Variants in KIF5A observed in about 807,000 individuals in gnomAD.
KIF5A encodes the protein kinesin family member 5A.
Under a neutral mutation model 141.3 loss-of-function variants are expected in KIF5A, and 35 were observed. The observed-to-expected ratio is 0.25, with a 90% CI of 0.19 to 0.33. The LOEUF (loss-of-function observed/expected upper bound fraction) is 0.33. Among genes scored for constraint, KIF5A ranks in the 10% least tolerant of loss-of-function variants. The pLI, the probability that KIF5A is intolerant of heterozygous loss-of-function variation, is 1.00. For missense variants in KIF5A, 861 were observed against 1,314.3 expected, an observed-to-expected ratio of 0.66 and a Z score of 5.33; for synonymous variants, 448 against 500.2, an observed-to-expected ratio of 0.90 and a Z score of 1.39.
intron 25 of KIF5A, 96 bp from the exon 26 acceptor site, chr12:57,581,774 G>T: frequency 7.6e-7 from 1 of 1,318,542 alleles, no homozygotes; most frequent in Non-Finnish European, 1.1e-6. Context: ...GGGGAGGGCT[G>T]AGCAGCTCTA....
intron 12 of KIF5A, among the ~76,000 whole-genome samples, chr12:57,570,441 C>T (rs1014599975): frequency 1.3e-5 from 2 of 152,138 alleles, no homozygotes; most frequent in African/African-American, 4.8e-5. Context: ...CTGTGTCGCC[C>T]AGGCTAGAGT....
intron 1 of KIF5A, among the ~76,000 whole-genome samples, chr12:57,551,176 C>T (rs1277012996): frequency 3.9e-5 from 6 of 152,110 alleles, no homozygotes; most frequent in African/African-American, 1.4e-4. Flanking sequence ...AGCCATCCAG[C>T]TCTACCTCAT....
chr12:57,564,073 C>T, intron 3 of KIF5A, 35 bp from the exon 4 acceptor site: 2 of 1,466,878 alleles, frequency 1.4e-6, no homozygotes, highest in South Asian at 2.3e-5. Context: ...TCTCCCTGAG[C>T]CCCAGCTTCA....
intron 25 of KIF5A, 137 bp from the exon 26 acceptor site, chr12:57,581,733 C>T (rs1235299923): frequency 1.5e-5 from 18 of 1,206,974 alleles, no homozygotes; most frequent in Non-Finnish European, 2.0e-5. Flanking sequence ...CAGCCTGTGG[C>T]CATGTTTGTT....
At chr12:57,578,625 T>A (rs1438356767) in intron 23 of KIF5A, among the ~76,000 whole-genome samples, 1 of 152,104 alleles carries the variant, frequency 6.6e-6, no homozygotes, top group Non-Finnish European at 1.5e-5. Flanking sequence ...AACAGAGGCA[T>A]GGGCTGTAAC....
intron 1 of KIF5A, among the ~76,000 whole-genome samples, chr12:57,552,295 G>A (rs73346032): frequency 6.6e-6 from 1 of 152,194 alleles, no homozygotes; most frequent in African/African-American, 2.4e-5. Context: ...AGAGGGGTGT[G>A]GTGTCGATCT....
intron 1 of KIF5A, among the ~76,000 whole-genome samples, chr12:57,552,676 A>C (rs1739068253): frequency 1.3e-5 from 2 of 151,898 alleles, no homozygotes; most frequent in Non-Finnish European, 2.9e-5. Context: ...GGAAATTCCT[A>C]CTCCTTTTTC....
rs143461098 is a variant in KIF5A at position 57,562,541 on chromosome 12, G to T, written c.130-898G>T. On this transcript the variant is annotated intron_variant, in intron 1 of 28. Transcript: ENST00000455537. ...CACAGTTCTTCTTTAATTAAAGCTTGTTCTGTTCTTAAAGGGAGACCCACA... is the reference window on the plus strand; with the variant it reads ...CACAGTTCTTCTTTAATTAAAGCTTTTTCTGTTCTTAAAGGGAGACCCACA... Among the ~76,000 whole-genome samples, 9 of 152,266 alleles carry T rather than the reference G, an allele frequency of 5.9e-5. No individual in the cohort carries two copies. The East Asian group carries it at 1.7e-3, about 29-fold the overall frequency.
chr12:57,558,880 A>G (rs1941530137), intron 1 of KIF5A, among the ~76,000 whole-genome samples: 1 of 152,120 alleles, frequency 6.6e-6, no homozygotes, highest in Non-Finnish European at 1.5e-5. Context: ...GGCTCAGGCC[A>G]TCATCCTGCC....
In KIF5A at chr12:57,572,871, G is replaced by T. The variant is rs756733312; in HGVS notation, c.1716+145G>T. On this transcript the variant is annotated intron_variant, in intron 15 of 28. Transcript: ENST00000455537. This position sits in a 1 kb window ranked among gnomAD's most constrained non-coding sequence, Gnocchi z 4.2. The stretch of plus-strand genomic sequence containing the variant: ...TGAACTAGACCCAGGAAGACAGGTA[G>T]AGGCTTGTATAGACCCAATTGAAAA... 5 of 1,017,112 alleles carry T rather than the reference G, an allele frequency of 4.9e-6. No homozygotes were observed. Among genetic ancestry groups the T allele is most frequent in the Non-Finnish European group, 7.7e-6 (5 of 647,514 alleles). The allele number at this position is 1,017,112 out of a possible 1,614,324, so 63.0% of individuals were successfully genotyped here.
intron 1 of KIF5A, among the ~76,000 whole-genome samples, chr12:57,559,078 C>A (rs1333786585): frequency 2.0e-5 from 3 of 152,244 alleles, no homozygotes; most frequent in South Asian, 2.1e-4. Flanking sequence ...TCTCATTCAA[C>A]TGTATAATTT....
rs1882746486 is a variant in KIF5A, at chr12:57,585,920, T to C, written c.*1739T>C. ...GCAGACCTGGGCAGTTTGCATTTTT[T>C]TTTTTTTTTTTTTTTGGTGGAAGAA... On this transcript the variant is annotated 3_prime_UTR_variant, in exon 29 of 29. Transcript: ENST00000455537. 6.6e-6 allele frequency: 1 copy of C among 151,122 alleles called. No individual in the cohort carries two copies. The highest frequency in any genetic ancestry group is 2.1e-4 in the South Asian group (1 of 4,776). The allele number at this position is 151,122 out of a possible 1,614,324, so 9.4% of individuals were successfully genotyped here.
intron 26 of KIF5A, 35 bp downstream of exon 26, chr12:57,581,987 G>A: frequency 1.3e-6 from 2 of 1,551,524 alleles, no homozygotes; most frequent in Non-Finnish European, 1.8e-6. Context: ...CACCTTTGGG[G>A]TCCTCAGGGC....
chr12:57,554,067 T>C (rs1323263356), intron 1 of KIF5A, among the ~76,000 whole-genome samples: 1 of 152,178 alleles, frequency 6.6e-6, no homozygotes, highest in Non-Finnish European at 1.5e-5. Flanking sequence ...CTGGAAATAC[T>C]TGGAAAAATG....
At chr12:57,567,044 A>AAAT (rs1209536489) in intron 6 of KIF5A, 82 bp from the exon 7 acceptor site, 6 of 728,514 alleles carry the variant, frequency 8.2e-6, no homozygotes, top group East Asian at 4.1e-5. Flanking sequence ...TCTCAAAAGA[A>AAAT]AATAATAATA....
At chr12:57,554,946 G>A (rs1336215688) in intron 1 of KIF5A, among the ~76,000 whole-genome samples, 1 of 152,134 alleles carries the variant, frequency 6.6e-6, no homozygotes, top group African/African-American at 2.4e-5. Flanking sequence ...CCAACAATGG[G>A]GATCAAATGT....
chr12:57,558,385 C>T (rs561703212), intron 1 of KIF5A, among the ~76,000 whole-genome samples: 4 of 151,258 alleles, frequency 2.6e-5, no homozygotes, highest in Non-Finnish European at 4.4e-5. Flanking sequence ...ACTAAAAATA[C>T]AAAAATTAGG....
intron 1 of KIF5A, among the ~76,000 whole-genome samples, chr12:57,555,452 A>C (rs1200763324): frequency 6.6e-6 from 1 of 152,154 alleles, no homozygotes; most frequent in Non-Finnish European, 1.5e-5. Flanking sequence ...TTAGCCGAGC[A>C]TGGTGGTGGC....
chr12:57,578,033 A>G lies in KIF5A; in HGVS notation c.2386A>G (p.Asn796Asp), dbSNP rs1882479293. Reference protein sequence around the residue: ...TVARELQTLHNLRKLFVQDVT... With the variant: ...TVARELQTLHDLRKLFVQDVT... ...GGCCCGGGAACTCCAGACCCTCCAC[A>G]ACCTTCGCAAGCTGTTCGTTCAAGA... The change falls in exon 22 of 29, where the codon AAC becomes GAC. Residue 796 changes from asparagine (N) to aspartate (D), a missense_variant. Asn to Asp is a conservative substitution (Grantham distance 23). Coordinates refer to ENST00000455537, the MANE Select transcript of KIF5A (RefSeq NM_004984.4). The G allele has an allele frequency of 6.2e-7, 1 of 1,614,056 alleles. No homozygotes were observed.
Sources: allele counts gnomAD v4.1 joint callset (sites outside exome capture counted in the v4.1 genomes callset), GRCh38; gene constraint gnomAD v4.1.1; non-coding constraint Gnocchi (gnomAD v3.1); transcripts MANE v1.5; gene names NCBI Gene and HGNC (gene_info 2026-07-23, HGNC 2026-07-21).